MCTP2: variants seen among roughly 807,000 people sequenced by gnomAD.
MCTP2 encodes the protein multiple C2 and transmembrane domain containing 2, also known as multiple C2 and transmembrane domain-containing protein 2.
MCTP2 carries 132 observed loss-of-function variants against 111.6 expected under a neutral mutation model. The observed-to-expected ratio is 1.18, with a 90% CI of 1.03 to 1.37. MCTP2 has a LOEUF of 1.37. MCTP2 is among the 40% of genes most tolerant of loss of function. The pLI is 0.00. For synonymous variants in MCTP2, 395 were observed against 387.7 expected, an observed-to-expected ratio of 1.02 and a Z score of -0.22; for missense variants, 1,183 against 1,067.9, an observed-to-expected ratio of 1.11 and a Z score of -1.50.
intron 4 of MCTP2, among the ~76,000 whole-genome samples, chr15:94,319,423 C>G (rs936919033): frequency 6.6e-6 from 1 of 152,178 alleles, no homozygotes; most frequent in African/African-American, 2.4e-5. Context: ...ATTGAATGAG[C>G]CTCAGAAGAG....
At chr15:94,318,288 T>TAAAAAA (rs2076467307) in intron 4 of MCTP2, among the ~76,000 whole-genome samples, 1 of 7,794 alleles carries the variant, frequency 1.3e-4, no homozygotes, top group Non-Finnish European at 3.0e-4. Context: ...TTTTTTTTTT[T>TAAAAAA]TTTTTTTTTT....
chr15:94,470,195 T>A (rs932820311), intron 20 of MCTP2, 138 bp from the exon 21 acceptor site: 1 of 618,898 alleles, frequency 1.6e-6, no homozygotes, highest in Admixed American at 2.9e-5. Flanking sequence ...ACTCTCATCT[T>A]GAGGTTTTTA....
intron 2 of MCTP2, 42 bp downstream of exon 2, chr15:94,298,772 C>T (rs762234104): frequency 1.5e-6 from 2 of 1,339,006 alleles, no homozygotes; most frequent in Admixed American, 2.3e-5. Flanking sequence ...GTCTCTCTCT[C>T]TCTCTCTCTT....
intron 17 of MCTP2, among the ~76,000 whole-genome samples, chr15:94,426,738 A>T (rs558743895): frequency 8.9e-4 from 135 of 152,148 alleles, no homozygotes; most frequent in African/African-American, 3.2e-3. Context: ...TTACTAGAAC[A>T]TTTTAAAGGG....
chr15:94,430,569 T>TA (rs755576778), intron 17 of MCTP2, among the ~76,000 whole-genome samples: 57 of 51,648 alleles, frequency 1.1e-3, no homozygotes, highest in Admixed American at 6.3e-3. Context: ...CCTTCTCTAC[T>TA]AAAAATACAA....
At chr15:94,426,905 CT>C (rs67715009) in intron 17 of MCTP2, among the ~76,000 whole-genome samples, 1,783 of 152,194 alleles carry the variant, frequency 0.012, 35 homozygotes, top group African/African-American at 0.041. Context: ...ATGCCTAGCC[CT>C]TTTTGGATTC....
chr15:94,264,276 G>A (rs376009783), intron 1 of MCTP2, among the ~76,000 whole-genome samples: 3 of 152,082 alleles, frequency 2.0e-5, no homozygotes, highest in East Asian at 3.9e-4. Context: ...TTGGGCAGGC[G>A]GTCATTGTTT....
At chr15:94,314,211 T>C in intron 2 of MCTP2, 71 bp from the exon 3 acceptor site, 2 of 1,033,358 alleles carry the variant, frequency 1.9e-6, no homozygotes, top group Non-Finnish European at 3.0e-6. Context: ...AAAGACCTGA[T>C]AGAGGGTATC....
At chr15:94,398,473 C>T (rs1440664095) in intron 14 of MCTP2, among the ~76,000 whole-genome samples, 1 of 152,174 alleles carries the variant, frequency 6.6e-6, no homozygotes, top group Non-Finnish European at 1.5e-5. Flanking sequence ...TGTGATTAAA[C>T]TCTGATCCCT....
intron 17 of MCTP2, among the ~76,000 whole-genome samples, chr15:94,435,920 C>T (rs1240003844): frequency 7.2e-5 from 11 of 151,988 alleles, no homozygotes; most frequent in African/African-American, 2.2e-4. Flanking sequence ...CGTGAGCCAC[C>T]GCGCCCGGCC....
At chr15:94,291,687 A>AT (rs937920362) in intron 1 of MCTP2, among the ~76,000 whole-genome samples, 5 of 152,254 alleles carry the variant, frequency 3.3e-5, no homozygotes, top group Admixed American at 1.3e-4. Flanking sequence ...AAATTAGAAA[A>AT]TATTTTAAAC....
chr15:94,401,995 A>T lies in MCTP2; in HGVS notation c.2061A>T (p.Thr687=). ...FLKSCFQWES[T]LRSTIAFAVF... ...AAAGCTGCTTCCAGTGGGAATCCAC[A>T]TTAAGAAGTACAATAGCATTCGCGG... is the stretch of plus-strand genomic sequence containing the variant. The change falls in exon 17 of 23, where the codon ACA becomes ACT. Residue 687 remains threonine, a synonymous_variant. Transcript: ENST00000357742. 1 of 1,613,532 alleles carries T rather than the reference A, an allele frequency of 6.2e-7. No individual in the cohort carries two copies. The highest frequency in any genetic ancestry group is 1.3e-5 in the African/African-American group (1 of 75,048).
chr15:94,448,419 A>G (rs1439825283), intron 19 of MCTP2, among the ~76,000 whole-genome samples: 1 of 152,206 alleles, frequency 6.6e-6, no homozygotes, highest in Non-Finnish European at 1.5e-5. Context: ...GCATTGCCTG[A>G]CCAAATTTCG....
At chr15:94,320,093 T>A (rs952737067) in intron 4 of MCTP2, among the ~76,000 whole-genome samples, 3 of 152,098 alleles carry the variant, frequency 2.0e-5, no homozygotes, top group African/African-American at 4.8e-5. Context: ...ACTGATCTGC[T>A]CTATTACAAT....
intron 10 of MCTP2, among the ~76,000 whole-genome samples, chr15:94,365,224 A>G (rs1474657774): frequency 6.6e-6 from 1 of 152,238 alleles, no homozygotes; most frequent in African/African-American, 2.4e-5. Context: ...GTACAAGTAA[A>G]TATTTGGCTG....
At chr15:94,450,680 G>A (rs994678919) in intron 19 of MCTP2, among the ~76,000 whole-genome samples, 4 of 152,234 alleles carry the variant, frequency 2.6e-5, no homozygotes, top group Admixed American at 6.5e-5. Context: ...CTAGATGATT[G>A]AAATTACTGG....
intron 14 of MCTP2, among the ~76,000 whole-genome samples, chr15:94,392,582 A>G (rs186298166): frequency 1.4e-3 from 220 of 152,250 alleles, no homozygotes; most frequent in African/African-American, 4.0e-3. Context: ...TGGGAGGCCG[A>G]GCCAGGTGGA....
intron 3 of MCTP2, among the ~76,000 whole-genome samples, chr15:94,315,172 G>A (rs984739044): frequency 6.6e-6 from 1 of 152,182 alleles, no homozygotes; most frequent in African/African-American, 2.4e-5. Flanking sequence ...GCCTGCAGCT[G>A]CACTTCTTCC....
At position 94,367,646 on chromosome 15, in the gene MCTP2, A is replaced by G. The variant is rs905701643; in HGVS notation, c.1343A>G (p.Asn448Ser). 1 of 1,611,952 alleles carries G rather than the reference A, an allele frequency of 6.2e-7. No individual in the cohort carries two copies. Among genetic ancestry groups the G allele is most frequent in the South Asian group, 1.1e-5 (1 of 90,970 alleles). Residue 448 changes from asparagine (N) to serine (S), a missense_variant, in exon 11 of 23, where the codon AAC becomes AGC. By Grantham distance (46) the Asn-to-Ser change is conservative. Coordinates refer to ENST00000357742, the MANE Select transcript of MCTP2 (RefSeq NM_001385001.1). Reference sequence around the variant, plus strand: ...TCGGCACTCCCTCTGAAGCAAGCCAACTGCCTGGAGCTGCCACTGGACAGC... The same window carrying G: ...TCGGCACTCCCTCTGAAGCAAGCCAGCTGCCTGGAGCTGCCACTGGACAGC... ...DISALPLKQANCLELPLDSCL... is the reference protein window; with the variant it reads ...DISALPLKQASCLELPLDSCL...
Sources: gnomAD v4.1 joint callset for allele counts (sites outside exome capture counted in the v4.1 genomes callset) on GRCh38, gnomAD v4.1.1 for gene constraint, MANE v1.5 for transcripts, NCBI Gene and HGNC (gene_info 2026-07-23, HGNC 2026-07-21) for gene names.